UBAP2L: variants seen among roughly 807,000 people sequenced by gnomAD.
UBAP2L encodes the protein ubiquitin-associated protein 2-like.
Under a neutral mutation model 130.6 loss-of-function variants are expected in UBAP2L, and 12 were observed. The ratio of observed to expected loss-of-function variants is 0.09; its 90% CI spans 0.06 to 0.15. UBAP2L has a LOEUF of 0.15. Among genes scored for constraint, UBAP2L ranks in the 10% least tolerant of loss-of-function variants. The pLI is 1.00. For synonymous variants in UBAP2L, 503 were observed against 524.7 expected (o/e 0.96, Z 0.57); for missense variants, 965 against 1,332.5 (o/e 0.72, Z 4.29).
rs79187889 is a variant in UBAP2L at position 154,266,406 on chromosome 1, T to G, written c.2903-95T>G. 222 of 1,324,526 alleles carry G rather than the reference T, an allele frequency of 1.7e-4. No homozygotes were observed. In the African/African-American group the frequency reaches 2.9e-3, roughly 17 times the overall value. The allele number at this position is 1,324,526 out of a possible 1,614,324, so 82.0% of individuals were successfully genotyped here. A position where few individuals can be genotyped will look rare whatever the true frequency, so the allele number is the denominator to read the frequency against. ...ACCGACCAAAATTCCCTTGCATTGG[T>G]ATAGCTAGAAAGGCTACAGATATCA... On this transcript the variant is annotated intron_variant, in intron 24 of 26. Coordinates refer to ENST00000428931, the MANE Select transcript of UBAP2L (RefSeq NM_014847.4).
intron 8 of UBAP2L, 95 bp downstream of exon 8, chr1:154,237,231 T>C (rs1671978159): frequency 1.7e-6 from 2 of 1,174,248 alleles, no homozygotes; most frequent in African/African-American, 1.5e-5. Flanking sequence ...AAGAATAGTG[T>C]TTGGTTATGG....
At chr1:154,221,168 C>T (rs937846211) in intron 1 of UBAP2L, 193 bp downstream of exon 1, 3 of 151,890 alleles carry the variant, frequency 2.0e-5, no homozygotes, top group Non-Finnish European at 4.4e-5. Context: ...GTACACCCCC[C>T]CCCGAGTCAT....
In UBAP2L at chr1:154,269,192, TCTC is replaced by T. The variant is rs1000086133; in HGVS notation, c.3168+244_3168+246del. On this transcript the variant is annotated intron_variant, in intron 26 of 26. Transcript: ENST00000428931. ...TTTTGCCCAATTCCTTTGGTGCCCT[TCTC>T]CTCCTGTGCCACAGTTGTCCTCATC... 1.5e-5 allele frequency: 12 copies of T among 815,024 alleles called. No individual in the cohort carries two copies. In the South Asian group the frequency reaches 1.6e-4, roughly 11 times the overall value. 50.5% of individuals were successfully genotyped at this position (815,024 alleles called of 1,614,324 possible).
At chr1:154,225,683 T>C (rs1667688088) in intron 2 of UBAP2L, among the ~76,000 whole-genome samples, 1 of 152,218 alleles carries the variant, frequency 6.6e-6, no homozygotes, top group Non-Finnish European at 1.5e-5. Flanking sequence ...TTGCCCAGGC[T>C]GGTCTTGAAC....
At chr1:154,237,738 C>A (rs1001673934) in intron 8 of UBAP2L, among the ~76,000 whole-genome samples, 1 of 152,154 alleles carries the variant, frequency 6.6e-6, no homozygotes, top group African/African-American at 2.4e-5. Flanking sequence ...CCCTGTTGAA[C>A]AGCCTTCTTG....
Position 154,263,034 on chromosome 1 carries a change from C to T in UBAP2L, c.2902+1337C>T, listed in dbSNP as rs1682089380. On this transcript the variant is annotated intron_variant, in intron 24 of 26. Coordinates refer to ENST00000428931, the MANE Select transcript of UBAP2L (RefSeq NM_014847.4). ...TATTATATCAGCCCTTGAGAACCCC[C>T]AGTTCCCAACCCCACAAAGGGCTTT... 1.8e-5 allele frequency: 26 copies of T among 1,470,346 alleles called. No homozygotes were observed. The South Asian group carries it at 2.5e-4, about 14-fold the overall frequency. 91.1% of individuals were successfully genotyped at this position (1,470,346 alleles called of 1,614,324 possible). A position where few individuals can be genotyped will look rare whatever the true frequency, so the allele number is the denominator to read the frequency against.
intron 24 of UBAP2L, chr1:154,263,320 C>T: frequency 6.3e-6 from 9 of 1,425,420 alleles, no homozygotes; most frequent in Non-Finnish European, 7.3e-6. Flanking sequence ...ACTTGCCCCT[C>T]CCCCATTTCC....
At chr1:154,248,401 A>G (rs1676324482) in intron 11 of UBAP2L, among the ~76,000 whole-genome samples, 1 of 152,192 alleles carries the variant, frequency 6.6e-6, no homozygotes, top group Admixed American at 6.5e-5. Context: ...AGTTATTAGC[A>G]GCATCGAGAT....
chr1:154,239,165 A>G (rs1672662773), intron 8 of UBAP2L, among the ~76,000 whole-genome samples: 1 of 151,846 alleles, frequency 6.6e-6, no homozygotes, highest in Non-Finnish European at 1.5e-5. Context: ...AAATATCCAC[A>G]GGTACAATGG....
intron 26 of UBAP2L, among the ~76,000 whole-genome samples, chr1:154,269,999 C>G (rs1276834004): frequency 6.6e-6 from 1 of 152,104 alleles, no homozygotes; most frequent in African/African-American, 2.4e-5. Context: ...CATCTTTTCC[C>G]TATTTAAAAG....
At chr1:154,249,565 C>T in intron 12 of UBAP2L, 128 bp downstream of exon 12, 1 of 1,046,460 alleles carries the variant, frequency 9.6e-7, no homozygotes, top group Non-Finnish European at 1.4e-6. Context: ...GTTACCTTCC[C>T]ACATGTATTT....
chr1:154,261,067 G>A lies in UBAP2L; in HGVS notation c.2754G>A (p.Pro918=), dbSNP rs747511690. Residue 918 remains proline (P), a synonymous_variant, in exon 23 of 27, where the codon CCG becomes CCA. Transcript: ENST00000428931. ...YTSLPYYTGV[P]GLPSTFQYGP... ...GCCTGCCATACTATACAGGGGTCCC[G>A]GGCCTCCCCAGCACCTTCCAGTATG... The A allele has an allele frequency of 1.4e-5, 23 of 1,614,052 alleles. No individual in the cohort carries two copies. Among genetic ancestry groups the A allele is most frequent in the South Asian group, 1.2e-4 (11 of 91,082 alleles).
rs748851323 is a variant in UBAP2L at position 154,259,950 on chromosome 1, T to G, written c.2499T>G (p.Asp833Glu). The change falls in exon 22 of 27, where the codon GAT becomes GAG. Residue 833 changes from aspartate (D) to glutamate (E), a missense_variant and splice_region_variant. Around this residue, in one of 9 missense-constraint regions of UBAP2L, gnomAD observed 194 missense variants for 334.0 expected, o/e 0.58. Transcript: ENST00000428931. ...CTCTTTTTTCCCCTCTTTTCTAGGATTACTACAGCATCCCATTTCCCACAC... is the reference window on the plus strand; with the variant it reads ...CTCTTTTTTCCCCTCTTTTCTAGGAGTACTACAGCATCCCATTTCCCACAC... ...LQMLQTRFPL[D>E]YYSIPFPTPT... 5 of 1,614,070 alleles carry G rather than the reference T, an allele frequency of 3.1e-6. No homozygotes were observed. Among genetic ancestry groups the G allele is most frequent in the Non-Finnish European group, 4.2e-6 (5 of 1,179,938 alleles).
Position 154,253,914 on chromosome 1 carries a change from C to A in UBAP2L, c.1679C>A (p.Thr560Lys). 1 of 1,614,086 alleles carries A rather than the reference C, an allele frequency of 6.2e-7. No individual in the cohort carries two copies. The highest frequency in any genetic ancestry group is 8.5e-7 in the Non-Finnish European group (1 of 1,180,008). ...YTSTASESSSTISSNQSQESG... is the reference protein window; with the variant it reads ...YTSTASESSSKISSNQSQESG... ...GTTACTCACAGTGAATCATCCTCTA[C>A]AATTTCATCTAACCAGAGTCAGGAG... is the stretch of plus-strand genomic sequence containing the variant. Residue 560 changes from threonine to lysine, a missense_variant, in exon 15 of 27, where the codon ACA (threonine) becomes AAA (lysine). Transcript: ENST00000428931.
chr1:154,259,471 C>G (rs1029990338), intron 21 of UBAP2L, among the ~76,000 whole-genome samples: 1 of 152,080 alleles, frequency 6.6e-6, no homozygotes, highest in African/African-American at 2.4e-5. Flanking sequence ...AGCTTATAGG[C>G]ATGAGCCGCC....
intron 2 of UBAP2L, 63 bp from the exon 3 acceptor site, chr1:154,227,219 G>T (rs1187443420): frequency 1.4e-6 from 2 of 1,435,244 alleles, no homozygotes; most frequent in South Asian, 1.1e-5. Context: ...TGACGAAATA[G>T]GTTCCTGTTC....
rs1456183838 is a variant in UBAP2L at position 154,255,160 on chromosome 1, G to A, written c.1918G>A (p.Gly640Ser). 1 of 1,613,958 alleles carries A rather than the reference G, an allele frequency of 6.2e-7. No homozygotes were observed. Among genetic ancestry groups the A allele is most frequent in the East Asian group, 2.2e-5 (1 of 44,886 alleles). The change falls in exon 17 of 27, where the codon GGC (glycine) becomes AGC (serine). Residue 640 changes from glycine (G) to serine (S), a missense_variant. Gly to Ser is a moderately conservative substitution (Grantham distance 56, BLOSUM62 0). Around this residue, in one of 9 missense-constraint regions of UBAP2L, gnomAD observed 393 missense variants for 408.1 expected, o/e 0.96. Coordinates refer to ENST00000428931, the MANE Select transcript of UBAP2L (RefSeq NM_014847.4). ...QTTQSVEGAT[G>S]SAVKSDSPST... Reference sequence around the variant, plus strand: ...TTCTTCTAAATTTCTAGGTGCTACAGGCTCTGCAGTGAAATCTGATTCACC... The same window carrying A: ...TTCTTCTAAATTTCTAGGTGCTACAAGCTCTGCAGTGAAATCTGATTCACC...
In UBAP2L at chr1:154,270,768, T is replaced by TG. The variant is rs1316704328; in HGVS notation, c.*473_*474insG. 11 of 968,220 alleles carry TG rather than the reference T, an allele frequency of 1.1e-5. No homozygotes were observed. The Admixed American group carries it at 2.0e-4, about 17-fold the overall frequency. 60.0% of individuals were successfully genotyped at this position (968,220 alleles called of 1,614,324 possible). The stretch of plus-strand genomic sequence containing the variant: ...TGAATTAGTTGAAGTGGTTTTTTTT[T>TG]TGTTTTTTTTTTTTTTTTGTACTGT... On this transcript the variant is annotated 3_prime_UTR_variant, in exon 27 of 27. Coordinates refer to ENST00000428931, the MANE Select transcript of UBAP2L (RefSeq NM_014847.4).
chr1:154,257,350 A>G lies in UBAP2L; in HGVS notation c.2358A>G (p.Lys786=). The G allele has an allele frequency of 1.9e-6, 3 of 1,613,954 alleles. No individual in the cohort carries two copies. Among genetic ancestry groups the G allele is most frequent in the Middle Eastern group, 3.4e-4 (2 of 5,878 alleles). Residue 786 remains lysine, a synonymous_variant, in exon 20 of 27, where the codon AAA becomes AAG. Transcript: ENST00000428931. Reference sequence around the variant, plus strand: ...AAAATGTAATTTCTCTTTTAGGAAAAGCTCCTCCCAACCTCCCTCCTGGGG... The same window carrying G: ...AAAATGTAATTTCTCTTTTAGGAAAGGCTCCTCCCAACCTCCCTCCTGGGG... ...TRSSVATTSG[K]APPNLPPGVP... is the part of the protein sequence containing the mutation.
Sources: allele counts gnomAD v4.1 joint callset (sites outside exome capture counted in the v4.1 genomes callset), GRCh38; gene constraint gnomAD v4.1.1; regional missense constraint gnomAD v4.1.1; transcripts MANE v1.5; gene names NCBI Gene and HGNC (gene_info 2026-07-23, HGNC 2026-07-21).